Variants in CFAP299 observed in about 807,000 individuals in gnomAD.
The protein encoded by CFAP299 is cilia and flagella associated protein 299.
In CFAP299, 21 loss-of-function variants were observed where a neutral mutation model predicts 27.0. That is an observed-to-expected ratio of 0.78 (90% CI 0.55 to 1.12). The LOEUF (loss-of-function observed/expected upper bound fraction) is 1.12. CFAP299 is among the 50% of genes most tolerant of loss of function. The pLI is 0.00. For missense variants in CFAP299, 310 were observed against 276.6 expected (o/e 1.12, Z -0.86); for synonymous variants, 104 against 98.1 (o/e 1.06, Z -0.36).
chr4:80,800,144 T>G (rs1728337266), intron 3 of CFAP299, among the ~76,000 whole-genome samples: 2 of 61,512 alleles, frequency 3.3e-5, no homozygotes, highest in Non-Finnish European at 5.2e-5. Flanking sequence ...ATTATATAAA[T>G]ATATTTATAT....
At chr4:80,338,084 G>A (rs1309404944) in intron 1 of CFAP299, among the ~76,000 whole-genome samples, 1 of 152,068 alleles carries the variant, frequency 6.6e-6, no homozygotes, top group African/African-American at 2.4e-5. Context: ...GCTGATACTT[G>A]TGCTTTTCCT....
At chr4:80,330,996 T>G (rs1008082058), upstream of CFAP299, among the ~76,000 whole-genome samples, 16 of 152,208 alleles carry the variant, frequency 1.1e-4, no homozygotes, top group Admixed American at 3.9e-4. Context: ...GTCAAATACT[T>G]TATAATAATC....
chr4:80,492,497 G>C (rs572215310), intron 2 of CFAP299, among the ~76,000 whole-genome samples: 7 of 152,196 alleles, frequency 4.6e-5, no homozygotes, highest in African/African-American at 1.2e-4. Context: ...GGACTAACAG[G>C]AGTTTAAAAG....
chr4:80,670,096 G>A (rs375619048), intron 3 of CFAP299, among the ~76,000 whole-genome samples: 20 of 151,986 alleles, frequency 1.3e-4, no homozygotes, highest in African/African-American at 3.4e-4. Flanking sequence ...CCATTAACTC[G>A]TCATTTACAT....
At chr4:80,640,450 A>G (rs1739670102) in intron 3 of CFAP299, among the ~76,000 whole-genome samples, 1 of 152,144 alleles carries the variant, frequency 6.6e-6, no homozygotes, top group South Asian at 2.1e-4. Context: ...AGGCAAAGTA[A>G]TCCAATCTCA....
At chr4:80,631,273 C>A (rs1325185700) in intron 3 of CFAP299, among the ~76,000 whole-genome samples, 2 of 151,888 alleles carry the variant, frequency 1.3e-5, no homozygotes, top group African/African-American at 4.8e-5. Flanking sequence ...GTTGGTATAG[C>A]ATTATATAAT....
At chr4:80,902,604 C>T (rs1047488504) in intron 4 of CFAP299, among the ~76,000 whole-genome samples, 2 of 147,554 alleles carry the variant, frequency 1.4e-5, no homozygotes, top group Non-Finnish European at 3.0e-5. Flanking sequence ...CACACACACA[C>T]ACACACACAC....
intron 3 of CFAP299, among the ~76,000 whole-genome samples, chr4:80,787,198 A>ATATATATATATAATATTT (rs1727294999): frequency 6.8e-6 from 1 of 147,164 alleles, no homozygotes; most frequent in Non-Finnish European, 1.5e-5. Flanking sequence ...TGGGCATGGA[A>ATATATATATATAATATTT]TATATATATA....
chr4:80,717,683 G>A (rs1722564784), intron 3 of CFAP299, among the ~76,000 whole-genome samples: 1 of 152,048 alleles, frequency 6.6e-6, no homozygotes. Flanking sequence ...TACCTGCTAT[G>A]TGTCAAGAAT....
At chr4:80,593,755 C>G (rs1736906646) in intron 3 of CFAP299, among the ~76,000 whole-genome samples, 3 of 151,996 alleles carry the variant, frequency 2.0e-5, no homozygotes, top group Admixed American at 2.0e-4. Context: ...TTTTGCTTTT[C>G]TTTTTCTAGT....
At chr4:80,460,312 C>G (rs1251885185) in intron 2 of CFAP299, among the ~76,000 whole-genome samples, 1 of 152,154 alleles carries the variant, frequency 6.6e-6, no homozygotes, top group Non-Finnish European at 1.5e-5. Context: ...TTCACCAATG[C>G]AGATTTTTCT....
At chr4:80,803,785 T>G (rs1728729963) in intron 3 of CFAP299, among the ~76,000 whole-genome samples, 1 of 151,172 alleles carries the variant, frequency 6.6e-6, no homozygotes, top group African/African-American at 2.4e-5. Context: ...TTCTGCAACG[T>G]TTTTATTGTG....
chr4:80,447,158 C>G (rs1376068424), intron 2 of CFAP299, among the ~76,000 whole-genome samples: 3 of 92,872 alleles, frequency 3.2e-5, no homozygotes, highest in Admixed American at 1.5e-4. Context: ...TTTTTTGAGA[C>G]GGAGTCTCGC....
chr4:80,952,038 A>G (rs538187552), intron 5 of CFAP299, among the ~76,000 whole-genome samples: 1 of 152,182 alleles, frequency 6.6e-6, no homozygotes, highest in African/African-American at 2.4e-5. Context: ...ATTCTTTGCT[A>G]TTACTGCCTC....
At chr4:80,621,395 A>T (rs1399509859) in intron 3 of CFAP299, among the ~76,000 whole-genome samples, 2 of 152,080 alleles carry the variant, frequency 1.3e-5, no homozygotes, top group Non-Finnish European at 2.9e-5. Context: ...TCTCCCTCAA[A>T]TATTTTCATA....
At chr4:80,959,927 T>C (rs1340984418) in intron 5 of CFAP299, among the ~76,000 whole-genome samples, 1 of 151,830 alleles carries the variant, frequency 6.6e-6, no homozygotes, top group Non-Finnish European at 1.5e-5. Flanking sequence ...CAATAAAATA[T>C]TAAAAAATAA....
At chr4:80,828,162 A>G (rs1730089402) in intron 3 of CFAP299, among the ~76,000 whole-genome samples, 1 of 152,046 alleles carries the variant, frequency 6.6e-6, no homozygotes, top group East Asian at 1.9e-4. Context: ...CATAATTGCA[A>G]TGACATTTTT....
chr4:80,623,100 G>C (rs184308642), intron 3 of CFAP299, among the ~76,000 whole-genome samples: 50 of 152,154 alleles, frequency 3.3e-4, no homozygotes, highest in African/African-American at 1.2e-3. Flanking sequence ...TTATGCTTCT[G>C]TTCTACACTC....
At chr4:80,959,991 CT>C (rs1231337212) in intron 5 of CFAP299, among the ~76,000 whole-genome samples, 1 of 151,738 alleles carries the variant, frequency 6.6e-6, no homozygotes, top group Non-Finnish European at 1.5e-5. Flanking sequence ...TGTGAGGAAA[CT>C]GTTCTTTGAA....
Sources: gnomAD v4.1 joint callset for allele counts (sites outside exome capture counted in the v4.1 genomes callset) on GRCh38, gnomAD v4.1.1 for gene constraint, MANE v1.5 for transcripts, NCBI Gene and HGNC (gene_info 2026-07-23, HGNC 2026-07-21) for gene names.